Variants in EXTL3 observed in about 807,000 individuals in gnomAD.
EXTL3 encodes exostosin like glycosyltransferase 3.
Under a neutral mutation model 69.3 loss-of-function variants are expected in EXTL3, and 27 were observed. The ratio of observed to expected loss-of-function variants is 0.39; its 90% CI spans 0.29 to 0.54. The LOEUF is 0.54. Ranked by LOEUF, EXTL3 falls within the 20% of genes least tolerant of loss-of-function variation. The pLI is 0.69. For missense variants in EXTL3, 1,003 were observed against 1,231.8 expected, an observed-to-expected ratio of 0.81 and a Z score of 2.78; for synonymous variants, 511 against 499.4, an observed-to-expected ratio of 1.02 and a Z score of -0.31.
intron 3 of EXTL3, among the ~76,000 whole-genome samples, chr8:28,728,293 C>A (rs1563219644): frequency 6.6e-6 from 1 of 152,248 alleles, no homozygotes; most frequent in Non-Finnish European, 1.5e-5. Context: ...CGCCCTTTGG[C>A]GAGTGGAACC....
At chr8:28,622,601 C>G (rs1446205767), upstream of EXTL3, 1 of 5,686 alleles carries the variant, frequency 1.8e-4, no homozygotes, top group African/African-American at 7.2e-4. Flanking sequence ...GCCGAGGGGG[C>G]GGTGGGCGGG....
intron 1 of EXTL3, among the ~76,000 whole-genome samples, chr8:28,639,311 C>T (rs189204646): frequency 8.0e-4 from 122 of 152,208 alleles, no homozygotes; most frequent in Admixed American, 2.0e-3. Context: ...AATCTCTCTG[C>T]GTCCCTGCTG....
Position 28,731,322 on chromosome 8 carries a change from C to A in EXTL3, c.2248C>A (p.Arg750Ser). 1 of 1,614,216 alleles carries A rather than the reference C, an allele frequency of 6.2e-7. No individual in the cohort carries two copies. Among genetic ancestry groups the A allele is most frequent in the Non-Finnish European group, 8.5e-7 (1 of 1,180,034 alleles). Residue 750 changes from arginine to serine, a missense_variant, in exon 4 of 7, where the codon CGC becomes AGC. Coordinates refer to ENST00000220562, the MANE Select transcript of EXTL3 (RefSeq NM_001440.4). ...GTCCATTGATGACGATGCTCACCTC[C>A]GCCATGACGAAATCATGTTTGGGTT... The part of the protein sequence containing the change: ...ILSIDDDAHL[R>S]HDEIMFGFRV...
rs142984489 is a variant in EXTL3, at chr8:28,665,360, C to T, written c.-53+42550C>T. The stretch of plus-strand genomic sequence containing the variant: ...AAAGTCCTGGGGTTATAGGCGTGAG[C>T]CACCACGTCTGGCCACCTTTACTTT... On this transcript the variant is annotated intron_variant, in intron 1 of 6. Coordinates refer to the EXTL3 transcript ENST00000523149. 4.8e-3 allele frequency among the ~76,000 whole-genome samples: 730 copies of T among 151,714 alleles called. 9 individuals carry two copies. The highest frequency in any genetic ancestry group is 0.017 in the African/African-American group (707 of 41,396).
At chr8:28,627,577 T>C (rs1428326136) in intron 1 of EXTL3, among the ~76,000 whole-genome samples, 3 of 152,086 alleles carry the variant, frequency 2.0e-5, no homozygotes, top group East Asian at 3.9e-4. Context: ...ATCAGCAATG[T>C]CACTTCTGGA....
chr8:28,743,283 G>T (rs551396626), intron 6 of EXTL3, 69 bp downstream of exon 6: 1 of 1,519,706 alleles, frequency 6.6e-7, no homozygotes, highest in Admixed American at 1.7e-5. Flanking sequence ...CAGTAGTGCA[G>T]CACGTAACTG....
chr8:28,664,298 GGC>G (rs1205140075), intron 1 of EXTL3, among the ~76,000 whole-genome samples: 1 of 152,242 alleles, frequency 6.6e-6, no homozygotes, highest in Non-Finnish European at 1.5e-5. Flanking sequence ...GCTTGCAGGT[GGC>G]TGCCTGTCAT....
At position 28,717,949 on chromosome 8, in the gene EXTL3, G is replaced by T; in HGVS notation, c.1890G>T (p.Leu630Phe). The T allele has an allele frequency of 6.2e-7, 1 of 1,614,154 alleles. No individual in the cohort carries two copies. Among genetic ancestry groups the T allele is most frequent in the Non-Finnish European group, 8.5e-7 (1 of 1,180,044 alleles). The change falls in exon 3 of 7, where the codon TTG becomes TTT. Residue 630 changes from leucine (L) to phenylalanine (F), a missense_variant. This residue lies in a region of EXTL3 where 261 missense variants were observed against 416.4 expected (regional missense o/e 0.63). Transcript: ENST00000220562. This position sits in a 1 kb window ranked among gnomAD's most constrained non-coding sequence, Gnocchi z 8.3. ...TGTTGCCCTCAGAGGCCAAATTCTT[G>T]GGCTCAGGGACTGGCTTTCGGCCTA... Reference protein sequence around the residue: ...DPVLPSEAKFLGSGTGFRPIG... With the variant: ...DPVLPSEAKFFGSGTGFRPIG...
chr8:28,712,388 C>CAAGATGG lies in EXTL3; in HGVS notation c.-569-1068_-569-1067insAGATGGA, dbSNP rs1157218907. Among the ~76,000 whole-genome samples the CAAGATGG allele has an allele frequency of 3.9e-5, 6 of 152,030 alleles. No individual in the cohort carries two copies. In the East Asian group the frequency reaches 7.7e-4, roughly 20 times the overall value. On this transcript the variant is annotated intron_variant, in intron 1 of 6. Coordinates refer to ENST00000220562, the MANE Select transcript of EXTL3 (RefSeq NM_001440.4). ...GGGAGGCGTGGCCTGACTCATGTTT[C>CAAGATGG]ACGATGGTCCTGGTTGCTGTGTATG...
chr8:28,664,609 G>A (rs1412940840), intron 1 of EXTL3, among the ~76,000 whole-genome samples: 2 of 152,092 alleles, frequency 1.3e-5, no homozygotes, highest in Admixed American at 6.6e-5. Flanking sequence ...TTCTTGAACT[G>A]TGTCGGATGA....
At chr8:28,734,010 G>A (rs1357438693) in intron 4 of EXTL3, among the ~76,000 whole-genome samples, 3 of 151,226 alleles carry the variant, frequency 2.0e-5, no homozygotes. Context: ...TAGAGACAGG[G>A]TTTCACCATG....
rs570572595 is a variant in EXTL3 at position 28,623,499 on chromosome 8, G to C, written c.-53+689G>C. 6.6e-6 allele frequency among the ~76,000 whole-genome samples: 1 copy of C among 152,324 alleles called. No homozygotes were observed. The highest frequency in any genetic ancestry group is 6.5e-5 in the Admixed American group (1 of 15,304). ...TGAGTTTTGTTGGTGTTTGTCCTCA[G>C]CCTGTTTCTGGGTCACCCTGCAGGG... On this transcript the variant is annotated intron_variant, in intron 1 of 6. Transcript: ENST00000523149. The surrounding 1 kb of genome is among the most constrained non-coding windows in gnomAD (Gnocchi z 4.2).
chr8:28,701,608 C>CT lies in EXTL3; in HGVS notation c.-618dup, dbSNP rs1272738446. The CT allele has an allele frequency of 6.2e-6, 1 of 162,350 alleles. No individual in the cohort carries two copies. Among genetic ancestry groups the CT allele is most frequent in the Admixed American group, 6.5e-5 (1 of 15,332 alleles). 10.1% of individuals were successfully genotyped at this position (162,350 alleles called of 1,614,324 possible). On this transcript the variant is annotated 5_prime_UTR_variant, in exon 1 of 7. It removes the in-frame stop codon of an upstream open reading frame in the 5' UTR. Transcript: ENST00000220562. ...GCCAGAACGGCTTCTGGGACGCCGA[C>CT]TTTCGCGCAGGCGGCGGCGGCGGCG...
chr8:28,609,781 T>G (rs1806247602), intron 2 of EXTL3, among the ~76,000 whole-genome samples: 1 of 151,358 alleles, frequency 6.6e-6, no homozygotes. Context: ...TCCCAGCTAC[T>G]TGGAAGGTTG....
intron 1 of EXTL3, among the ~76,000 whole-genome samples, chr8:28,686,341 A>G (rs2130669028): frequency 6.6e-6 from 1 of 151,884 alleles, no homozygotes; most frequent in Middle Eastern, 3.4e-3. Flanking sequence ...CTCAAAAAAA[A>G]AAAAAAGAAA....
intron 1 of EXTL3, among the ~76,000 whole-genome samples, chr8:28,692,646 C>T (rs911035045): frequency 6.6e-6 from 1 of 152,164 alleles, no homozygotes; most frequent in African/African-American, 2.4e-5. Flanking sequence ...TTTGATTTTA[C>T]AGCCAAATTG....
At chr8:28,614,667 A>G (rs900172360) in intron 2 of EXTL3, among the ~76,000 whole-genome samples, 1 of 152,144 alleles carries the variant, frequency 6.6e-6, no homozygotes, top group Admixed American at 6.6e-5. Context: ...TCATATCTCC[A>G]TTCAATGCTA....
intron 3 of EXTL3, 119 bp downstream of exon 3, chr8:28,718,326 C>G: frequency 1.0e-6 from 1 of 998,664 alleles, no homozygotes; most frequent in Non-Finnish European, 1.5e-6. Context: ...TACATGCATA[C>G]TCATGAAAAA....
intron 1 of EXTL3, among the ~76,000 whole-genome samples, chr8:28,702,132 C>A (rs901063084): frequency 2.0e-5 from 3 of 152,294 alleles, no homozygotes; most frequent in African/African-American, 7.2e-5. Context: ...ACTACCCCCA[C>A]CCCTTCCCGA....
Sources: allele counts gnomAD v4.1 joint callset (sites outside exome capture counted in the v4.1 genomes callset), GRCh38; gene constraint gnomAD v4.1.1; regional missense constraint gnomAD v4.1.1; non-coding constraint Gnocchi (gnomAD v3.1); transcripts MANE v1.5; gene names NCBI Gene and HGNC (gene_info 2026-07-23, HGNC 2026-07-21).